Variants in MEIOB observed in about 807,000 individuals in gnomAD.
MEIOB encodes the protein meiosis-specific with OB domain-containing protein.
MEIOB carries 50 observed loss-of-function variants against 53.1 expected under a neutral mutation model. The observed-to-expected ratio is 0.94, with a 90% CI of 0.75 to 1.19. The LOEUF is 1.19. Among genes scored for constraint, MEIOB ranks in the 50% most tolerant of loss-of-function variants. The probability of loss-of-function intolerance (pLI) is 0.00; values close to 1 mark genes in which losing one functional copy is unlikely to be tolerated. For synonymous variants in MEIOB, 192 were observed against 182.5 expected, an observed-to-expected ratio of 1.05 and a Z score of -0.42; for missense variants, 551 against 550.8, an observed-to-expected ratio of 1.00 and a Z score of 0.00.
chr16:1,839,194 T>A, intron 12 of MEIOB, 61 bp downstream of exon 12: 1 of 1,468,952 alleles, frequency 6.8e-7, no homozygotes, highest in Non-Finnish European at 9.0e-7. Flanking sequence ...ACCTATATTT[T>A]TTTGGGAAAA....
At chr16:1,863,449 C>T (rs1370508953) in intron 3 of MEIOB, among the ~76,000 whole-genome samples, 1 of 151,372 alleles carries the variant, frequency 6.6e-6, no homozygotes, top group African/African-American at 2.4e-5. Context: ...TGCAATGGCG[C>T]GATCTCAGCT....
chr16:1,848,755 G>A (rs562990167), intron 9 of MEIOB, among the ~76,000 whole-genome samples: 2 of 151,906 alleles, frequency 1.3e-5, no homozygotes, highest in African/African-American at 2.4e-5. Context: ...TGTTGACCGG[G>A]CTGGTCTTGA....
In MEIOB at chr16:1,865,793, A is replaced by G. The variant is rs1395434050; in HGVS notation, c.112T>C (p.Phe38Leu). ...AGAACTCAGCTTTTTCTGTCTGGAA[A>G]GCCTTTGACATCTGTTTTCCCAATA... ...IVIGKTDVKG[F>L]PDRKNIGSER... Residue 38 changes from phenylalanine (F) to leucine (L), a missense_variant, in exon 3 of 14, where the codon TTT becomes CTT. Transcript: ENST00000325962. 1.3e-6 allele frequency: 2 copies of G among 1,548,580 alleles called. No individual in the cohort carries two copies. The highest frequency in any genetic ancestry group is 1.7e-6 in the Non-Finnish European group (2 of 1,146,204).
rs201214840 is a variant in MEIOB at position 1,837,885 on chromosome 16, AAT to A, written c.1219-17_1219-16del. On this transcript the variant is annotated splice_polypyrimidine_tract_variant and intron_variant, in intron 12 of 13. Coordinates refer to ENST00000325962, the MANE Select transcript of MEIOB (RefSeq NM_001163560.3). ...AACTCATGTACCTGGTTAAAAAAAA[AAT>A]ATGAGACAAATATATTTGAAGTTTA... The A allele has an allele frequency of 4.2e-3, 6,090 of 1,436,092 alleles. 22 individuals are homozygous for A. The highest frequency in any genetic ancestry group is 0.011 in the South Asian group (787 of 68,964). The allele number at this position is 1,436,092 out of a possible 1,614,324, so 89.0% of individuals were successfully genotyped here.
chr16:1,864,246 G>A (rs952692941), intron 3 of MEIOB, among the ~76,000 whole-genome samples: 2 of 152,172 alleles, frequency 1.3e-5, no homozygotes, highest in Non-Finnish European at 2.9e-5. Context: ...GAGAGGACTA[G>A]GATGGCAAGA....
chr16:1,863,831 C>T (rs189070155), intron 3 of MEIOB, among the ~76,000 whole-genome samples: 5 of 151,758 alleles, frequency 3.3e-5, no homozygotes, highest in African/African-American at 1.2e-4. Flanking sequence ...ACTTTTTTTC[C>T]AAAATAGAAA....
At chr16:1,862,390 G>T (rs1393765588) in intron 3 of MEIOB, among the ~76,000 whole-genome samples, 2 of 152,134 alleles carry the variant, frequency 1.3e-5, no homozygotes. Context: ...TGTGTATTTG[G>T]AGGGAAAAAC....
intron 10 of MEIOB, 73 bp downstream of exon 10, chr16:1,844,789 C>G (rs9806824): frequency 0.02 from 13,480 of 691,060 alleles, 803 homozygotes; most frequent in African/African-American, 0.14. Flanking sequence ...TATCTTTTAC[C>G]ATGTCAAACA....
At chr16:1,843,246 T>C (rs1364570109) in intron 10 of MEIOB, among the ~76,000 whole-genome samples, 1 of 150,944 alleles carries the variant, frequency 6.6e-6, no homozygotes, top group Non-Finnish European at 1.5e-5. Flanking sequence ...TGAGCCGAGA[T>C]CGCGCCACTG....
At chr16:1,852,649 G>A (rs1899202500) in intron 9 of MEIOB, among the ~76,000 whole-genome samples, 2 of 151,702 alleles carry the variant, frequency 1.3e-5, no homozygotes, top group Admixed American at 1.3e-4. Context: ...TCTGCCTCCT[G>A]GGTTCAAGTG....
chr16:1,843,597 C>G (rs1898964265), intron 10 of MEIOB: 1 of 151,318 alleles, frequency 6.6e-6, no homozygotes, highest in Admixed American at 6.6e-5. Flanking sequence ...ACTTGGGAGG[C>G]TAAGGAAGGA....
At chr16:1,851,392 G>A (rs1333814469) in intron 9 of MEIOB, among the ~76,000 whole-genome samples, 1 of 152,160 alleles carries the variant, frequency 6.6e-6, no homozygotes, top group East Asian at 1.9e-4. Flanking sequence ...AGGTCCTCCT[G>A]ACTCTGTTCC....
chr16:1,869,042 T>A (rs1899666140), intron 1 of MEIOB, among the ~76,000 whole-genome samples: 2 of 152,140 alleles, frequency 1.3e-5, no homozygotes, highest in African/African-American at 4.8e-5. Flanking sequence ...ATTTTTAACT[T>A]TCATTTCTAA....
chr16:1,834,941 C>T (rs1328344837), intron 13 of MEIOB, among the ~76,000 whole-genome samples: 1 of 83,170 alleles, frequency 1.2e-5, no homozygotes, highest in Non-Finnish European at 2.4e-5. Context: ...GTCCCCCCCA[C>T]CCCCCCCCAC....
chr16:1,859,314 G>A (rs899129265), intron 5 of MEIOB, among the ~76,000 whole-genome samples: 17 of 152,150 alleles, frequency 1.1e-4, no homozygotes, highest in African/African-American at 3.9e-4. Flanking sequence ...GGCCGAGGCG[G>A]GCGGATCACT....
intron 9 of MEIOB, among the ~76,000 whole-genome samples, chr16:1,852,560 T>A (rs1237624112): frequency 6.8e-6 from 1 of 146,902 alleles, no homozygotes; most frequent in East Asian, 2.0e-4. Flanking sequence ...CGCGCCAGCC[T>A]TGTTTTTTTT....
chr16:1,854,233 C>A (rs1267144748), intron 6 of MEIOB, 33 bp from the exon 7 acceptor site: 2 of 1,285,202 alleles, frequency 1.6e-6, no homozygotes, highest in South Asian at 2.6e-5. Context: ...TACTCTTCAC[C>A]TATATGTAGA....
intron 3 of MEIOB, among the ~76,000 whole-genome samples, chr16:1,863,859 T>C (rs1482151923): frequency 1.3e-5 from 2 of 152,216 alleles, no homozygotes; most frequent in African/African-American, 4.8e-5. Flanking sequence ...TTGGTTTTGC[T>C]AATTAAAAAT....
chr16:1,867,261 T>C (rs906264361), intron 2 of MEIOB, among the ~76,000 whole-genome samples: 1 of 152,064 alleles, frequency 6.6e-6, no homozygotes, highest in African/African-American at 2.4e-5. Context: ...TAGTTTTCTT[T>C]TAAGTAAGTA....
Sources: allele counts gnomAD v4.1 joint callset (sites outside exome capture counted in the v4.1 genomes callset), GRCh38; gene constraint gnomAD v4.1.1; transcripts MANE v1.5; gene names NCBI Gene and HGNC (gene_info 2026-07-23, HGNC 2026-07-21).